Variants in CHCHD7 observed in about 807,000 individuals in gnomAD.
The protein encoded by CHCHD7 is coiled-coil-helix-coiled-coil-helix domain containing 7.
A neutral mutation model predicts 10.5 loss-of-function variants in CHCHD7; 7 were observed. The ratio of observed to expected loss-of-function variants is 0.67; its 90% confidence interval spans 0.38 to 1.25. CHCHD7 has a LOEUF of 1.25. Ranked by LOEUF, CHCHD7 falls within the 50% of genes most tolerant of loss-of-function variation. CHCHD7 has a pLI of 0.02. For synonymous variants in CHCHD7, 40 were observed against 36.0 expected (o/e 1.11, Z -0.40); for missense variants, 100 against 104.5 (o/e 0.96, Z 0.19).
Position 56,211,835 on chromosome 8 carries a change from G to T in CHCHD7, c.-19G>T. 1 of 153,350 alleles carries T rather than the reference G, an allele frequency of 6.5e-6. No homozygotes were observed. The highest frequency in any genetic ancestry group is 2.1e-4 in the South Asian group (1 of 4,850). The allele number at this position is 153,350 out of a possible 1,614,324, so 9.5% of individuals were successfully genotyped here. A position where few individuals can be genotyped will look rare whatever the true frequency, so the allele number is the denominator to read the frequency against. On this transcript the variant is annotated splice_region_variant and 5_prime_UTR_variant, in exon 1 of 4. Transcript: ENST00000355315. Reference sequence around the variant, plus strand: ...CTGGGTGCTGGCGAAGCGGAGGCCGGAGGTGAGTGGTTCCCCCGCCCTACC... The same window carrying T: ...CTGGGTGCTGGCGAAGCGGAGGCCGTAGGTGAGTGGTTCCCCCGCCCTACC...
chr8:56,215,352 C>T (rs1183968796), intron 2 of CHCHD7: 1 of 152,178 alleles, frequency 6.6e-6, no homozygotes, highest in Non-Finnish European at 1.5e-5. Flanking sequence ...ACTGTCTACC[C>T]ATATAGCTAA....
chr8:56,216,412 T>C (rs771408524), intron 2 of CHCHD7, 21 bp from the exon 3 acceptor site: 28 of 1,613,784 alleles, frequency 1.7e-5, no homozygotes, highest in Non-Finnish European at 2.3e-5. Context: ...TTTTAAATGA[T>C]GCCTCTCTTA....
At chr8:56,214,778 A>G in intron 2 of CHCHD7, 111 bp downstream of exon 2, 1 of 741,392 alleles carries the variant, frequency 1.3e-6, no homozygotes. Context: ...TTCTCTAGAA[A>G]AAATATTGTT....
At chr8:56,212,836 C>T (rs527308597) in intron 1 of CHCHD7, 7 of 1,593,146 alleles carry the variant, frequency 4.4e-6, no homozygotes, top group East Asian at 4.5e-5. Flanking sequence ...ATTTAGAATC[C>T]GGAAGGAAAA....
At chr8:56,213,978 G>T (rs773851726) in intron 1 of CHCHD7, 1 of 152,238 alleles carries the variant, frequency 6.6e-6, no homozygotes, top group Non-Finnish European at 1.5e-5. Context: ...GGAAGTAATT[G>T]TTGGAATGCA....
chr8:56,212,878 A>G (rs765714510), intron 1 of CHCHD7: 1 of 1,609,062 alleles, frequency 6.2e-7, no homozygotes, highest in Non-Finnish European at 8.5e-7. Context: ...TCATGCACCA[A>G]ACTCGAACTG....
chr8:56,213,062 T>C, intron 1 of CHCHD7: 1 of 483,468 alleles, frequency 2.1e-6, no homozygotes, highest in Non-Finnish European at 3.7e-6. Flanking sequence ...TCTCACATCA[T>C]AGGATAGGTG....
intron 1 of CHCHD7, chr8:56,212,822 T>G: frequency 6.5e-7 from 1 of 1,533,338 alleles, no homozygotes; most frequent in Admixed American, 1.7e-5. Context: ...TTAGAGTGCC[T>G]TGTATTTAGA....
chr8:56,214,579 T>C lies in CHCHD7; in HGVS notation c.-16-19T>C. 6.3e-7 allele frequency: 1 copy of C among 1,591,370 alleles called. No individual in the cohort carries two copies. On this transcript the variant is annotated intron_variant, in intron 1 of 3. Coordinates refer to ENST00000355315, the MANE Select transcript of CHCHD7 (RefSeq NM_001011671.3). ...TCTGTCAACTACTGTATAATTATTT[T>C]TTTTCTGTCTACCCTCAGTAAGAAG...
At chr8:56,214,488 G>A in intron 1 of CHCHD7, 110 bp from the exon 2 acceptor site, 1 of 699,952 alleles carries the variant, frequency 1.4e-6, no homozygotes, top group East Asian at 2.7e-5. Flanking sequence ...TCCTCACTAA[G>A]TGATCATTAT....
intron 2 of CHCHD7, 133 bp downstream of exon 2, chr8:56,214,800 C>T (rs931379843): frequency 1.7e-6 from 1 of 605,980 alleles, no homozygotes; most frequent in Non-Finnish European, 2.9e-6. Flanking sequence ...GCCAGCATAT[C>T]CTATTTAACT....
chr8:56,216,777 G>C, intron 3 of CHCHD7: 1 of 699,786 alleles, frequency 1.4e-6, no homozygotes, highest in East Asian at 2.7e-5. Context: ...AGACATTTAA[G>C]TATCTGCAGC....
At chr8:56,214,817 T>C in intron 2 of CHCHD7, 150 bp downstream of exon 2, 3 of 526,764 alleles carry the variant, frequency 5.7e-6, no homozygotes, top group Middle Eastern at 2.8e-4. Flanking sequence ...AACTAGAGCA[T>C]TTTTAGATGT....
intron 3 of CHCHD7, chr8:56,216,769 A>G: frequency 1.4e-6 from 1 of 700,440 alleles, no homozygotes; most frequent in South Asian, 1.5e-5. Flanking sequence ...GTCTTCTTAG[A>G]CATTTAAGTA....
chr8:56,215,478 C>T (rs1363425077), intron 2 of CHCHD7: 2 of 152,150 alleles, frequency 1.3e-5, no homozygotes, highest in Non-Finnish European at 2.9e-5. Context: ...TTAGATTCTC[C>T]TAAGGAGCTT....
rs752320298 is a variant in CHCHD7 at position 56,217,383 on chromosome 8, C to A, written c.206C>A (p.Thr69Lys). The change falls in exon 4 of 4, where the codon ACG becomes AAG. Residue 69 changes from threonine (T) to lysine (K), a missense_variant. Coordinates refer to ENST00000355315, the MANE Select transcript of CHCHD7 (RefSeq NM_001011671.3). ...RKNGVKPFMP[T>K]AAERDEILRA... is the part of the protein sequence containing the mutation. ...AACGGAGTGAAGCCATTTATGCCTACGGCAGCAGAAAGAGATGAAATCTTG... is the reference window on the plus strand; with the variant it reads ...AACGGAGTGAAGCCATTTATGCCTAAGGCAGCAGAAAGAGATGAAATCTTG... The A allele has an allele frequency of 6.2e-7, 1 of 1,612,248 alleles. No individual in the cohort carries two copies. The highest frequency in any genetic ancestry group is 1.3e-5 in the African/African-American group (1 of 74,862).
At chr8:56,212,840 A>C in intron 1 of CHCHD7, 1 of 1,597,974 alleles carries the variant, frequency 6.3e-7, no homozygotes, top group Admixed American at 1.7e-5. Context: ...AGAATCCGGA[A>C]GGAAAAGGAA....
intron 1 of CHCHD7, chr8:56,213,107 C>T: frequency 2.4e-6 from 1 of 417,018 alleles, no homozygotes; most frequent in South Asian, 6.3e-5. Flanking sequence ...TTACTATCAT[C>T]ATCTCTCTTA....
rs1047086929 is a variant in CHCHD7, at chr8:56,218,249, A to G, written c.*814A>G. 8.7e-6 allele frequency: 2 copies of G among 228,652 alleles called. No individual in the cohort carries two copies. Among genetic ancestry groups the G allele is most frequent in the Non-Finnish European group, 1.7e-5 (2 of 115,342 alleles). 14.2% of individuals were successfully genotyped at this position (228,652 alleles called of 1,614,324 possible). A position where few individuals can be genotyped will look rare whatever the true frequency, so the allele number is the denominator to read the frequency against. ...TGGGCAGGGAAAAGGGTCAGGGTTC[A>G]TCAGGTGAACTCAACACTGGGATGA... On this transcript the variant is annotated 3_prime_UTR_variant, in exon 4 of 4. Coordinates refer to ENST00000355315, the MANE Select transcript of CHCHD7 (RefSeq NM_001011671.3).
Sources: gnomAD v4.1 joint callset for allele counts on GRCh38, gnomAD v4.1.1 for gene constraint, MANE v1.5 for transcripts, NCBI Gene and HGNC (gene_info 2026-07-23, HGNC 2026-07-21) for gene names.